The following ELK1 variants were observed in gnomAD, a reference collection of about 807,000 sequenced individuals.
ELK1 encodes the protein ETS domain-containing protein Elk-1.
For synonymous variants in ELK1, 163 were observed against 176.3 expected (o/e 0.92, Z 0.60); for missense variants, 254 against 381.5 (o/e 0.67, Z 2.78).
Position 47,636,845 on chromosome X carries a change from C to G in ELK1, c.1271G>C (p.Gly424Ala). 8.7e-7 allele frequency: 1 copy of G among 1,153,096 alleles called. No homozygotes were observed. The highest frequency in any genetic ancestry group is 1.2e-6 in the Non-Finnish European group (1 of 864,067). ...TGGTAGTAGTCATGGCTTCTGGGGC[C>G]CTGGGGAGAGCACCACGGGGGTCGA... is the stretch of plus-strand genomic sequence containing the variant. Reference protein sequence around the residue: ...GLSTPVVLSPGPQKP With the variant: ...GLSTPVVLSPAPQKP Residue 424 changes from glycine (G) to alanine (A), a missense_variant, in exon 7 of 7, where the codon GGG becomes GCG. Coordinates refer to ENST00000376983, the MANE Select transcript of ELK1 (RefSeq NM_001114123.3).
At chrX:47,638,595 A>T (rs1159054072) in intron 4 of ELK1, among the ~76,000 whole-genome samples, 7 of 112,051 alleles carry the variant, frequency 6.2e-5, no homozygotes, top group Non-Finnish European at 9.4e-5. Context: ...CTGTGGTTTA[A>T]CAAGACCTAC....
chrX:47,647,246 C>T (rs1287861257), intron 2 of ELK1, among the ~76,000 whole-genome samples: 2 of 106,762 alleles, frequency 1.9e-5, no homozygotes, highest in African/African-American at 3.4e-5. Flanking sequence ...CTGCAACCTC[C>T]GCCTCCTGGG....
In ELK1 at chrX:47,638,144, C is replaced by T. The variant is rs2058016104; in HGVS notation, c.693G>A (p.Ser231=). The T allele has an allele frequency of 1.8e-5, 22 of 1,208,918 alleles. No individual in the cohort carries two copies. Among genetic ancestry groups the T allele is most frequent in the Non-Finnish European group, 2.3e-5 (21 of 894,581 alleles). The change falls in exon 5 of 7, where the codon TCG becomes TCA. Residue 231 remains serine (S), a synonymous_variant. Transcript: ENST00000376983. ...LTPPEAPNLK[S]EELNVEPGLG... is the part of the protein sequence containing the mutation. ...AACCCGGCTCCACATTAAGCTCTTC[C>T]GATTTCAGGTTTGGGGCCTCGGGCG...
At chrX:47,650,103 T>C (rs1357501777) in intron 1 of ELK1, 77 bp from the exon 2 acceptor site, 11 of 8,622 alleles carry the variant, frequency 1.3e-3, no homozygotes, top group Non-Finnish European at 2.2e-3. Context: ...TCCCTATAAG[T>C]GGGGGTGGGT....
intron 2 of ELK1, among the ~76,000 whole-genome samples, chrX:47,641,778 A>T (rs1220824579): frequency 8.9e-6 from 1 of 112,367 alleles, no homozygotes; most frequent in Non-Finnish European, 1.9e-5. Flanking sequence ...CCTGCTCCGC[A>T]TCCTAATCCT....
At chrX:47,643,982 T>C (rs925789201) in intron 2 of ELK1, among the ~76,000 whole-genome samples, 4 of 111,973 alleles carry the variant, frequency 3.6e-5, no homozygotes, top group African/African-American at 1.3e-4. Context: ...ACCCCATTAC[T>C]GCTTTCTTTC....
chrX:47,639,921 G>C (rs1321565427), intron 3 of ELK1, among the ~76,000 whole-genome samples: 1 of 112,820 alleles, frequency 8.9e-6, no homozygotes, highest in Admixed American at 9.3e-5. Context: ...ATGGGGTGAT[G>C]AATTATTAAT....
At chrX:47,649,437 T>C (rs1454317358) in intron 2 of ELK1, 1 of 110,020 alleles carries the variant, frequency 9.1e-6, no homozygotes, top group Non-Finnish European at 1.9e-5. Context: ...TACAAAGCAC[T>C]GGACTCACGG....
At position 47,637,787 on chromosome X, in the gene ELK1, C is replaced by G. The variant is rs755425548; in HGVS notation, c.1050G>C (p.Pro350=). ...GSGSGLQAPG[P]ALTPSLLPTH... is the part of the protein sequence containing the mutation. Reference sequence around the variant, plus strand: ...TAGGAAGCAGGGATGGGGTCAGCGCCGGCCCCGGAGCCTGGAGGCCGGAGC... The same window carrying G: ...TAGGAAGCAGGGATGGGGTCAGCGCGGGCCCCGGAGCCTGGAGGCCGGAGC... Residue 350 remains proline (P), a synonymous_variant, in exon 5 of 7, where the codon CCG becomes CCC. Coordinates refer to ENST00000376983, the MANE Select transcript of ELK1 (RefSeq NM_001114123.3). The G allele has an allele frequency of 2.5e-6, 3 of 1,194,414 alleles. No individual in the cohort carries two copies. Among genetic ancestry groups the G allele is most frequent in the South Asian group, 3.6e-5 (2 of 55,016 alleles).
intron 2 of ELK1, among the ~76,000 whole-genome samples, chrX:47,643,932 C>A (rs1237973165): frequency 9.0e-6 from 1 of 111,643 alleles, no homozygotes; most frequent in Non-Finnish European, 1.9e-5. Flanking sequence ...CCGACTATTC[C>A]CTCTCAGCAT....
chrX:47,639,095 C>T lies in ELK1; in HGVS notation c.454G>A (p.Glu152Lys). 1 of 1,200,380 alleles carries T rather than the reference C, an allele frequency of 8.3e-7. No homozygotes were observed. The highest frequency in any genetic ancestry group is 1.1e-6 in the Non-Finnish European group (1 of 889,965). Reference sequence around the variant, plus strand: ...GAATAGAGGCCCGAGCGCATGTACTCGTTCCGGCTGCTGCGTGCCAAACCG... The same window carrying T: ...GAATAGAGGCCCGAGCGCATGTACTTGTTCCGGCTGCTGCGTGCCAAACCG... Reference protein sequence around the residue: ...PGGLARSSRNEYMRSGLYSTF... With the variant: ...PGGLARSSRNKYMRSGLYSTF... The change falls in exon 4 of 7, where the codon GAG (glutamate) becomes AAG (lysine). Residue 152 changes from glutamate to lysine, a missense_variant. Transcript: ENST00000376983.
At position 47,641,589 on chromosome X, in the gene ELK1, C is replaced by T. The variant is rs369412205; in HGVS notation, c.-34-114G>A. 67 of 570,406 alleles carry T rather than the reference C, an allele frequency of 1.2e-4. No individual in the cohort carries two copies. In the East Asian group the frequency reaches 1.7e-3, roughly 14 times the overall value. The allele number at this position is 570,406 out of a possible 1,213,427, so 47.0% of individuals were successfully genotyped here. On this transcript the variant is annotated intron_variant, in intron 2 of 6. Coordinates refer to ENST00000376983, the MANE Select transcript of ELK1 (RefSeq NM_001114123.3). ...CTCCATCTCTGTCTTCAAACCCTAC[C>T]ATCATTCCCTAAACCTTCCCAGACT...
At chrX:47,650,594 G>A (rs1191580851), upstream of ELK1, 1 of 268,842 alleles carries the variant, frequency 3.7e-6, no homozygotes, top group South Asian at 3.2e-5. Flanking sequence ...TACAGCTCAC[G>A]TGGGCCCGAG....
Position 47,636,830 on chromosome X carries a change from C to T in ELK1, c.1286G>A (p.Ter429=). Reference sequence around the variant, plus strand: ...GGGTGGTGGTGGTGGTGGTAGTAGTCATGGCTTCTGGGGCCCTGGGGAGAG... The same window carrying T: ...GGGTGGTGGTGGTGGTGGTAGTAGTTATGGCTTCTGGGGCCCTGGGGAGAG... The part of the protein sequence containing the change: ...VVLSPGPQKP[*] Residue 429 remains the stop codon, a stop_retained_variant, in exon 7 of 7, where the codon TGA becomes TAA. Transcript: ENST00000376983. 8.7e-7 allele frequency: 1 copy of T among 1,143,592 alleles called. No homozygotes were observed. Among genetic ancestry groups the T allele is most frequent in the Non-Finnish European group, 1.2e-6 (1 of 858,534 alleles). The allele number at this position is 1,143,592 out of a possible 1,213,427, so 94.2% of individuals were successfully genotyped here. A position where few individuals can be genotyped will look rare whatever the true frequency, so the allele number is the denominator to read the frequency against.
Position 47,641,242 on chromosome X carries a change from T to C in ELK1, c.200A>G (p.Tyr67Cys). The C allele has an allele frequency of 8.3e-7, 1 of 1,211,802 alleles. No individual in the cohort carries two copies. The highest frequency in any genetic ancestry group is 3.0e-5 in the East Asian group (1 of 33,867). ...YDKLSRALRY[Y>C]YDKNIIRKVS... ...TCTGAGAGACTGTACCTTGTCATAG[T>C]AGTACCGCAAGGCCCGGCTGAGCTT... Residue 67 changes from tyrosine (Y) to cysteine (C), a missense_variant, in exon 3 of 7, where the codon TAC becomes TGC. Transcript: ENST00000376983.
chrX:47,646,827 CCT>C lies in ELK1; in HGVS notation c.-35+3092_-35+3093del, dbSNP rs1478734473. Among the ~76,000 whole-genome samples the C allele has an allele frequency of 1.1e-4, 12 of 112,080 alleles. No individual in the cohort carries two copies. In the Middle Eastern group the frequency reaches 0.014, roughly 129 times the overall value. On this transcript the variant is annotated intron_variant, in intron 2 of 6. Coordinates refer to ENST00000376983, the MANE Select transcript of ELK1 (RefSeq NM_001114123.3). The stretch of plus-strand genomic sequence containing the variant: ...CACCTGCACTATCTGGCTCCCATCA[CCT>C]GTGTGACCTCACCTTCTACCCTTCC...
intron 2 of ELK1, among the ~76,000 whole-genome samples, chrX:47,643,923 C>T (rs912866898): frequency 9.0e-6 from 1 of 111,566 alleles, no homozygotes; most frequent in Non-Finnish European, 1.9e-5. Flanking sequence ...CCCCTCACAC[C>T]GACTATTCCC....
chrX:47,646,530 T>C (rs1362452184), intron 2 of ELK1, among the ~76,000 whole-genome samples: 2 of 112,478 alleles, frequency 1.8e-5, no homozygotes, highest in Admixed American at 1.9e-4. Context: ...TGTGCCTCCA[T>C]AGAGCATATT....
chrX:47,640,713 A>G lies in ELK1; in HGVS notation c.210+519T>C, dbSNP rs189338182. Reference sequence around the variant, plus strand: ...TTTAGCTTAAGGAATAAGAGAAGAAAATAATTAGTTAAAAATGTTGGGAGT... The same window carrying G: ...TTTAGCTTAAGGAATAAGAGAAGAAGATAATTAGTTAAAAATGTTGGGAGT... On this transcript the variant is annotated intron_variant, in intron 3 of 6. Transcript: ENST00000376983. Among the ~76,000 whole-genome samples the G allele has an allele frequency of 3.2e-3, 361 of 111,954 alleles. 3 individuals carry two copies. The highest frequency in any genetic ancestry group is 0.011 in the African/African-American group (351 of 30,736).
Sources: allele counts gnomAD v4.1 joint callset (sites outside exome capture counted in the v4.1 genomes callset), GRCh38; gene constraint gnomAD v4.1.1; transcripts MANE v1.5; gene names NCBI Gene and HGNC (gene_info 2026-07-23, HGNC 2026-07-21).